The following TMCC1 variants were observed in gnomAD, a reference collection of about 807,000 sequenced individuals.
The protein encoded by TMCC1 is transmembrane and coiled-coil domain family 1, also known as transmembrane and coiled-coil domains protein 1.
Under a neutral mutation model 52.4 loss-of-function variants are expected in TMCC1, and 15 were observed. That is an observed-to-expected ratio of 0.29 (90% CI 0.19 to 0.44). The LOEUF (loss-of-function observed/expected upper bound fraction) is 0.44, where lower values mean the gene tolerates loss of function less well. Ranked by LOEUF, TMCC1 falls within the 20% of genes least tolerant of loss-of-function variation. TMCC1 has a pLI of 1.00. For missense variants in TMCC1, 503 were observed against 806.0 expected, an observed-to-expected ratio of 0.62 and a Z score of 4.55; for synonymous variants, 279 against 301.9, an observed-to-expected ratio of 0.92 and a Z score of 0.79.
chr3:129,732,232 T>C (rs1469908840), intron 4 of TMCC1, among the ~76,000 whole-genome samples: 1 of 152,156 alleles, frequency 6.6e-6, no homozygotes, highest in Admixed American at 6.5e-5. Context: ...TTTATTTCCT[T>C]TTCTTGATTT....
chr3:129,719,429 A>G (rs918786336), intron 4 of TMCC1, among the ~76,000 whole-genome samples: 4 of 152,146 alleles, frequency 2.6e-5, no homozygotes, highest in African/African-American at 9.7e-5. Context: ...GAATTCTGTA[A>G]GCCACTCTAG....
intron 2 of TMCC1, among the ~76,000 whole-genome samples, chr3:129,833,943 C>T (rs1202474176): frequency 1.3e-5 from 2 of 152,114 alleles, no homozygotes; most frequent in South Asian, 2.1e-4. Context: ...TGCCATGTAC[C>T]TAGCATTATA....
intron 4 of TMCC1, among the ~76,000 whole-genome samples, chr3:129,716,436 G>A (rs1333329487): frequency 6.9e-6 from 1 of 145,914 alleles, no homozygotes; most frequent in Non-Finnish European, 1.5e-5. Context: ...CCAGGTTCAC[G>A]CCATTCTCCT....
intron 4 of TMCC1, among the ~76,000 whole-genome samples, chr3:129,791,107 T>C (rs955294591): frequency 6.7e-6 from 1 of 149,420 alleles, no homozygotes; most frequent in African/African-American, 2.5e-5. Flanking sequence ...TTTTTTTTTT[T>C]TTTTGAGACG....
chr3:129,734,857 T>G (rs2050818734), intron 4 of TMCC1, among the ~76,000 whole-genome samples: 1 of 152,180 alleles, frequency 6.6e-6, no homozygotes, highest in African/African-American at 2.4e-5. Context: ...CTTTTTCATT[T>G]TTCTTGCATA....
intron 4 of TMCC1, among the ~76,000 whole-genome samples, chr3:129,740,562 G>A (rs2051374137): frequency 6.6e-6 from 1 of 152,118 alleles, no homozygotes; most frequent in Admixed American, 6.5e-5. Flanking sequence ...AGGGTGAGAA[G>A]TATGCAAAAA....
chr3:129,861,058 C>G (rs2060367055), intron 2 of TMCC1: 3 of 152,194 alleles, frequency 2.0e-5, no homozygotes. Flanking sequence ...TACTATGGGA[C>G]TAAGACCTGC....
intron 4 of TMCC1, among the ~76,000 whole-genome samples, chr3:129,824,910 T>C (rs1208744103): frequency 1.3e-5 from 2 of 152,262 alleles, no homozygotes; most frequent in Admixed American, 6.5e-5. Context: ...AACATTGTTA[T>C]CAAATCCTAC....
chr3:129,789,486 C>T (rs1376612984), intron 4 of TMCC1, among the ~76,000 whole-genome samples: 2 of 152,166 alleles, frequency 1.3e-5, no homozygotes, highest in African/African-American at 4.8e-5. Flanking sequence ...CATTTCTCCA[C>T]TTCTTTTTTT....
chr3:129,888,307 T>A (rs999285883), intron 1 of TMCC1, among the ~76,000 whole-genome samples: 1 of 152,200 alleles, frequency 6.6e-6, no homozygotes, highest in African/African-American at 2.4e-5. Context: ...CAGTTACATA[T>A]AGAAACATAT....
intron 4 of TMCC1, among the ~76,000 whole-genome samples, chr3:129,803,866 C>T (rs560825140): frequency 3.3e-5 from 5 of 152,036 alleles, no homozygotes; most frequent in South Asian, 4.2e-4. Flanking sequence ...TCTTAGTCCT[C>T]GTCTAAATTC....
At chr3:129,696,029 G>C (rs1048559099) in intron 4 of TMCC1, among the ~76,000 whole-genome samples, 6 of 152,138 alleles carry the variant, frequency 3.9e-5, no homozygotes, top group Non-Finnish European at 5.9e-5. Context: ...GGCCTTGCAA[G>C]GCCATGCTTT....
rs748814353 is a variant in TMCC1 at position 129,670,563 on chromosome 3, GGCA to G, written c.1275_1277del (p.Ala426del). 8.7e-6 allele frequency: 14 copies of G among 1,614,166 alleles called. No individual in the cohort carries two copies. Among genetic ancestry groups the G allele is most frequent in the Non-Finnish European group, 1.1e-5 (13 of 1,180,038 alleles). On this transcript the variant is annotated inframe_deletion, in exon 5 of 7. Coordinates refer to ENST00000393238, the MANE Select transcript of TMCC1 (RefSeq NM_001017395.5). Reference sequence around the variant, plus strand: ...TGTTGGCTCCCACTGAGCCTGAAGTGGCACTAGAACAATCTTCTTCACTACCAT... The same window carrying G: ...TGTTGGCTCCCACTGAGCCTGAAGTGCTAGAACAATCTTCTTCACTACCAT...
At chr3:129,697,440 T>A (rs2047497008) in intron 4 of TMCC1, among the ~76,000 whole-genome samples, 1 of 152,102 alleles carries the variant, frequency 6.6e-6, no homozygotes, top group African/African-American at 2.4e-5. Context: ...ACGAAGCCAT[T>A]TTCTCCTCCT....
At chr3:129,750,445 C>A (rs1382202945) in intron 4 of TMCC1, among the ~76,000 whole-genome samples, 1 of 151,980 alleles carries the variant, frequency 6.6e-6, no homozygotes, top group African/African-American at 2.4e-5. Context: ...ACCTGCCTCA[C>A]CCTCCCAAAG....
At chr3:129,657,593 A>C (rs998854835) in intron 5 of TMCC1, among the ~76,000 whole-genome samples, 1 of 152,198 alleles carries the variant, frequency 6.6e-6, no homozygotes. Context: ...AACTCTCCTC[A>C]TAAGTAAGAA....
intron 4 of TMCC1, chr3:129,819,879 T>G (rs1323596163): frequency 1.3e-5 from 2 of 152,064 alleles, no homozygotes; most frequent in African/African-American, 4.8e-5. Flanking sequence ...ATATTTTTTA[T>G]GGACGTTGGG....
At chr3:129,717,532 A>C (rs373260558) in intron 4 of TMCC1, among the ~76,000 whole-genome samples, 1 of 152,152 alleles carries the variant, frequency 6.6e-6, no homozygotes, top group Non-Finnish European at 1.5e-5. Flanking sequence ...TCCCACTTAG[A>C]TGGCTGATGG....
intron 1 of TMCC1, among the ~76,000 whole-genome samples, chr3:129,892,189 T>C (rs1192534605): frequency 6.6e-6 from 1 of 152,260 alleles, no homozygotes; most frequent in Non-Finnish European, 1.5e-5. Flanking sequence ...AAAATTTTCC[T>C]ATGCTGCTGA....
Sources: allele counts gnomAD v4.1 joint callset (sites outside exome capture counted in the v4.1 genomes callset), GRCh38; gene constraint gnomAD v4.1.1; transcripts MANE v1.5; gene names NCBI Gene and HGNC (gene_info 2026-07-23, HGNC 2026-07-21).